SCAPER: variants seen among roughly 807,000 people sequenced by gnomAD.
The protein encoded by SCAPER is S-phase cyclin A associated protein in the ER.
Under a neutral mutation model 182.2 loss-of-function variants are expected in SCAPER, and 98 were observed. The ratio of observed to expected loss-of-function variants is 0.54; its 90% CI spans 0.46 to 0.64. The LOEUF is 0.64. SCAPER is among the 30% of genes least tolerant of loss of function. The probability of loss-of-function intolerance (pLI) is 0.00; values close to 1 mark genes in which losing one functional copy is unlikely to be tolerated. For missense variants in SCAPER, 1,432 were observed against 1,690.0 expected (o/e 0.85, Z 2.68); for synonymous variants, 605 against 564.6 (o/e 1.07, Z -1.01).
chr15:76,587,239 C>T (rs985824011), intron 22 of SCAPER, among the ~76,000 whole-genome samples: 1 of 152,068 alleles, frequency 6.6e-6, no homozygotes, highest in Non-Finnish European at 1.5e-5. Context: ...AAAGAATCAG[C>T]TTTTTGTTTC....
At position 76,594,690 on chromosome 15, in the gene SCAPER, A is replaced by C. The variant is rs1181352644; in HGVS notation, c.2712-20406T>G. On this transcript the variant is annotated intron_variant, in intron 22 of 31. Coordinates refer to ENST00000563290, the MANE Select transcript of SCAPER (RefSeq NM_020843.4). ...CCAATACTCAACATTATTAAAGAAAAGAATTTTCAACCCAGAATTTCAAAT... is the reference window on the plus strand; with the variant it reads ...CCAATACTCAACATTATTAAAGAAACGAATTTTCAACCCAGAATTTCAAAT... Among the ~76,000 whole-genome samples the C allele has an allele frequency of 2.5e-5, 3 of 122,000 alleles. 1 individual carries two copies. The highest frequency in any genetic ancestry group is 6.0e-5 in the Non-Finnish European group (3 of 50,262). 80.0% of individuals were successfully genotyped at this position (122,000 alleles called of 152,430 possible).
intron 27 of SCAPER, among the ~76,000 whole-genome samples, chr15:76,384,849 G>T (rs2043191204): frequency 6.6e-6 from 1 of 152,126 alleles, no homozygotes; most frequent in Admixed American, 6.5e-5. Flanking sequence ...ACTGGCTTCT[G>T]TTGGTCTTAA....
At chr15:76,873,691 A>T (rs1199545813) in intron 2 of SCAPER, among the ~76,000 whole-genome samples, 1 of 152,226 alleles carries the variant, frequency 6.6e-6, no homozygotes, top group Non-Finnish European at 1.5e-5. Flanking sequence ...CAACATAATT[A>T]ACAAGTTGAT....
chr15:76,427,810 G>A (rs2046544234), intron 26 of SCAPER, among the ~76,000 whole-genome samples: 1 of 152,040 alleles, frequency 6.6e-6, no homozygotes, highest in African/African-American at 2.4e-5. Flanking sequence ...CCAAGTGCCT[G>A]TAATCCCAGC....
chr15:76,680,908 G>C (rs1436167230), intron 20 of SCAPER, among the ~76,000 whole-genome samples: 1 of 152,078 alleles, frequency 6.6e-6, no homozygotes, highest in Non-Finnish European at 1.5e-5. Context: ...AACATACTAA[G>C]ACACATTTAT....
chr15:76,782,410 A>T (rs2064220746), intron 8 of SCAPER, among the ~76,000 whole-genome samples: 1 of 152,222 alleles, frequency 6.6e-6, no homozygotes, highest in Admixed American at 6.5e-5. Context: ...AAAGAGACTT[A>T]GACTCCCACA....
chr15:76,617,928 T>C (rs1268182138), intron 22 of SCAPER, among the ~76,000 whole-genome samples: 1 of 152,190 alleles, frequency 6.6e-6, no homozygotes, highest in Non-Finnish European at 1.5e-5. Context: ...ATATTAAATT[T>C]CCTCAAGTAT....
intron 20 of SCAPER, among the ~76,000 whole-genome samples, chr15:76,690,157 GT>G (rs1337113278): frequency 6.6e-6 from 1 of 151,920 alleles, no homozygotes; most frequent in Non-Finnish European, 1.5e-5. Flanking sequence ...CAAGAAATAA[GT>G]TATAATTGTA....
At chr15:76,554,788 CTT>C (rs71143339) in intron 23 of SCAPER, among the ~76,000 whole-genome samples, 22 of 71,100 alleles carry the variant, frequency 3.1e-4, no homozygotes, top group Admixed American at 3.0e-4. Context: ...ATTCAGCATT[CTT>C]TTTTTTTTTT....
At chr15:76,452,021 T>TC (rs921439858) in intron 25 of SCAPER, among the ~76,000 whole-genome samples, 3 of 152,280 alleles carry the variant, frequency 2.0e-5, no homozygotes, top group African/African-American at 2.4e-5. Flanking sequence ...TTCCTTAACC[T>TC]CCCTCTTCTC....
At chr15:76,694,115 C>G (rs1054593690) in intron 20 of SCAPER, among the ~76,000 whole-genome samples, 4 of 149,082 alleles carry the variant, frequency 2.7e-5, no homozygotes, top group Middle Eastern at 3.4e-3. Flanking sequence ...GAGGTTTTTT[C>G]TATTTCTATT....
chr15:76,439,479 A>G (rs2047415157), intron 25 of SCAPER, among the ~76,000 whole-genome samples: 2 of 152,252 alleles, frequency 1.3e-5, no homozygotes, highest in Non-Finnish European at 2.9e-5. Context: ...GTTACTTGCC[A>G]GAGGTAAAAT....
intron 20 of SCAPER, among the ~76,000 whole-genome samples, chr15:76,666,326 A>G (rs1210169032): frequency 1.3e-5 from 2 of 152,220 alleles, no homozygotes; most frequent in East Asian, 3.8e-4. Context: ...CTCAGAAAAC[A>G]CATCCTAGAG....
At chr15:76,628,683 T>C (rs1306567685) in intron 21 of SCAPER, among the ~76,000 whole-genome samples, 1 of 152,200 alleles carries the variant, frequency 6.6e-6, no homozygotes, top group Non-Finnish European at 1.5e-5. Context: ...AGCCCTATAA[T>C]ATAGTTTGAA....
At chr15:76,748,702 G>T (rs1432901097) in intron 15 of SCAPER, among the ~76,000 whole-genome samples, 1 of 151,300 alleles carries the variant, frequency 6.6e-6, no homozygotes, top group Non-Finnish European at 1.5e-5. Context: ...TTTGAACAGA[G>T]ATTTTTTCCA....
At position 76,371,833 on chromosome 15, in the gene SCAPER, G is replaced by A. The variant is rs554643705; in HGVS notation, c.3855+4329C>T. On this transcript the variant is annotated intron_variant, in intron 29 of 31. Coordinates refer to ENST00000563290, the MANE Select transcript of SCAPER (RefSeq NM_020843.4). Reference sequence around the variant, plus strand: ...CTCAGGAGGCTGAGGCAGGAGAATCGCTTGAACCCAGGAGGCGGAGGTTGT... The same window carrying A: ...CTCAGGAGGCTGAGGCAGGAGAATCACTTGAACCCAGGAGGCGGAGGTTGT... Among the ~76,000 whole-genome samples, 12 of 151,862 alleles carry A rather than the reference G, an allele frequency of 7.9e-5. No individual in the cohort carries two copies. In the South Asian group the frequency reaches 2.3e-3, roughly 29 times the overall value.
chr15:76,443,681 T>C (rs2047781415), intron 25 of SCAPER, among the ~76,000 whole-genome samples: 2 of 152,220 alleles, frequency 1.3e-5, no homozygotes, highest in Admixed American at 6.5e-5. Flanking sequence ...TATACAATTC[T>C]GACTGAAAAA....
intron 22 of SCAPER, among the ~76,000 whole-genome samples, chr15:76,618,466 T>A (rs571210391): frequency 8.5e-5 from 13 of 152,336 alleles, no homozygotes; most frequent in Non-Finnish European, 1.6e-4. Context: ...GGTTGCTATT[T>A]TACAGGAATT....
chr15:76,609,990 G>T (rs2050835101), intron 22 of SCAPER, among the ~76,000 whole-genome samples: 1 of 151,910 alleles, frequency 6.6e-6, no homozygotes, highest in South Asian at 2.1e-4. Flanking sequence ...AGGCTCTGGT[G>T]AAATAGTTTT....
Sources: allele counts gnomAD v4.1 joint callset (sites outside exome capture counted in the v4.1 genomes callset), GRCh38; gene constraint gnomAD v4.1.1; transcripts MANE v1.5; gene names NCBI Gene and HGNC (gene_info 2026-07-23, HGNC 2026-07-21).